AGBL3: variants seen among roughly 807,000 people sequenced by gnomAD.
AGBL3 encodes cytosolic carboxypeptidase 3.
In AGBL3, 68 loss-of-function variants were observed where a neutral mutation model predicts 94.5. That is an observed-to-expected ratio of 0.72 (90% CI 0.59 to 0.88). The LOEUF is 0.88. AGBL3 is among the 40% of genes least tolerant of loss of function. The pLI is 0.00. For missense variants in AGBL3, 934 were observed against 1,103.8 expected (o/e 0.85, Z 2.18); for synonymous variants, 354 against 370.7 (o/e 0.95, Z 0.52).
intron 15 of AGBL3, among the ~76,000 whole-genome samples, chr7:135,109,631 A>C (rs1825317909): frequency 6.6e-6 from 1 of 152,224 alleles, no homozygotes; most frequent in Non-Finnish European, 1.5e-5. Context: ...GCTCTGTCCC[A>C]GGGAAGTTTG....
At chr7:135,116,977 G>C (rs893643839) in intron 16 of AGBL3, among the ~76,000 whole-genome samples, 2 of 152,202 alleles carry the variant, frequency 1.3e-5, no homozygotes, top group Admixed American at 6.5e-5. Context: ...AAACCCAGGA[G>C]ACACCATTGT....
intron 4 of AGBL3, among the ~76,000 whole-genome samples, chr7:135,016,457 C>G (rs142004512): frequency 0.011 from 1,684 of 151,600 alleles, 100 homozygotes; most frequent in Admixed American, 0.1. Context: ...ATACAAATAA[C>G]TAGGGTAGTT....
At chr7:135,000,176 G>A (rs571101063) in intron 4 of AGBL3, among the ~76,000 whole-genome samples, 6 of 152,324 alleles carry the variant, frequency 3.9e-5, no homozygotes, top group African/African-American at 1.4e-4. Context: ...AAGGCATTGT[G>A]GGCATTTCAG....
At chr7:135,128,937 T>G in intron 16 of AGBL3, 1 of 1,562,216 alleles carries the variant, frequency 6.4e-7, no homozygotes, top group Non-Finnish European at 8.8e-7. Context: ...CAATATCTGT[T>G]TCTGTAAGAA....
intron 4 of AGBL3, among the ~76,000 whole-genome samples, chr7:134,999,625 G>A (rs1390824473): frequency 6.6e-6 from 1 of 152,122 alleles, no homozygotes; most frequent in Non-Finnish European, 1.5e-5. Context: ...ACTTTAATGT[G>A]CCCCTAAATT....
Position 134,993,475 on chromosome 7 carries a change from T to G in AGBL3, c.125-18T>G. 1 of 1,523,110 alleles carries G rather than the reference T, an allele frequency of 6.6e-7. No homozygotes were observed. 94.3% of individuals were successfully genotyped at this position (1,523,110 alleles called of 1,614,324 possible). A position where few individuals can be genotyped will look rare whatever the true frequency, so the allele number is the denominator to read the frequency against. ...TTTCTTCTTCCCACTCATGATTGTG[T>G]TTGAATCTTTTTCTCAGCTGACTCT... On this transcript the variant is annotated intron_variant, in intron 3 of 16. Coordinates refer to ENST00000436302, the MANE Select transcript of AGBL3 (RefSeq NM_178563.4).
chr7:134,990,325 T>G (rs1057000510), intron 3 of AGBL3, among the ~76,000 whole-genome samples: 1 of 152,226 alleles, frequency 6.6e-6, no homozygotes, highest in Non-Finnish European at 1.5e-5. Context: ...ATATTTGGCT[T>G]TTCTAGAATT....
At chr7:135,041,749 C>T (rs922942794) in intron 8 of AGBL3, among the ~76,000 whole-genome samples, 6 of 152,138 alleles carry the variant, frequency 3.9e-5, no homozygotes, top group African/African-American at 1.2e-4. Flanking sequence ...TCCTGCTAAG[C>T]GAATACAAAG....
intron 16 of AGBL3, among the ~76,000 whole-genome samples, chr7:135,128,161 G>A (rs1157406657): frequency 1.3e-5 from 2 of 151,720 alleles, no homozygotes; most frequent in Non-Finnish European, 2.9e-5. Context: ...GTGTGGTGGT[G>A]AGTGCCTGTA....
intron 13 of AGBL3, among the ~76,000 whole-genome samples, chr7:135,077,512 A>C (rs763519707): frequency 2.0e-5 from 3 of 152,180 alleles, no homozygotes; most frequent in Non-Finnish European, 4.4e-5. Context: ...CACAAAACAG[A>C]TAGCTCCTAA....
chr7:135,128,291 C>CAAAAAAAAAAAAAAAAAAAAAA (rs61217008), intron 16 of AGBL3, among the ~76,000 whole-genome samples: 1 of 58,070 alleles, frequency 1.7e-5, no homozygotes, highest in Non-Finnish European at 2.7e-5. Context: ...GACTCCATCT[C>CAAAAAAAAAAAAAAAAAAAAAA]AAAAAAAAAA....
chr7:135,052,311 A>T (rs540553325), intron 11 of AGBL3, among the ~76,000 whole-genome samples: 38 of 152,284 alleles, frequency 2.5e-4, no homozygotes, highest in Admixed American at 7.2e-4. Context: ...TTTTCAGTAC[A>T]TAGGGGTTTT....
At chr7:135,072,241 A>G (rs1819987657) in intron 12 of AGBL3, among the ~76,000 whole-genome samples, 1 of 152,184 alleles carries the variant, frequency 6.6e-6, no homozygotes, top group South Asian at 2.1e-4. Flanking sequence ...TTAGAATGGC[A>G]ATCATTAAAA....
chr7:134,996,499 G>C (rs1055991645), intron 4 of AGBL3, among the ~76,000 whole-genome samples: 1 of 18,270 alleles, frequency 5.5e-5, no homozygotes, highest in African/African-American at 6.0e-5. Context: ...ATTCCCCAGA[G>C]GTAAAAATAG....
chr7:135,114,552 A>G (rs1826057248), intron 15 of AGBL3, among the ~76,000 whole-genome samples: 1 of 152,092 alleles, frequency 6.6e-6, no homozygotes, highest in African/African-American at 2.4e-5. Flanking sequence ...TCCTCAAACT[A>G]GAAGCTTTGG....
intron 2 of AGBL3, chr7:134,988,199 G>T: frequency 2.6e-6 from 1 of 382,792 alleles, no homozygotes; most frequent in Non-Finnish European, 4.7e-6. Context: ...AACTATATTT[G>T]TATTTTTTTT....
In AGBL3 at chr7:134,987,775, G is replaced by A. The variant is rs1809659472; in HGVS notation, c.-59-100G>A. ...TTCTAATTAGTTTTTAGAGAAGACT[G>A]TTGTGACTGTTAAATACAATTGAAT... On this transcript the variant is annotated intron_variant, in intron 1 of 16. Transcript: ENST00000436302. The A allele has an allele frequency of 6.8e-6, 4 of 584,440 alleles. No homozygotes were observed. The East Asian group carries it at 9.7e-5, about 14-fold the overall frequency. The allele number at this position is 584,440 out of a possible 1,614,324, so 36.2% of individuals were successfully genotyped here. A position where few individuals can be genotyped will look rare whatever the true frequency, so the allele number is the denominator to read the frequency against.
chr7:135,069,194 G>A (rs1819647490), intron 12 of AGBL3, among the ~76,000 whole-genome samples: 1 of 152,188 alleles, frequency 6.6e-6, no homozygotes. Flanking sequence ...AAATATATAT[G>A]CACCCAATAC....
At chr7:135,109,416 G>C (rs953234454) in intron 15 of AGBL3, among the ~76,000 whole-genome samples, 1 of 151,838 alleles carries the variant, frequency 6.6e-6, no homozygotes, top group Admixed American at 6.6e-5. Context: ...AGTGGCTGAA[G>C]ACTCAGACTG....
Sources: gnomAD v4.1 joint callset for allele counts (sites outside exome capture counted in the v4.1 genomes callset) on GRCh38, gnomAD v4.1.1 for gene constraint, MANE v1.5 for transcripts, NCBI Gene and HGNC (gene_info 2026-07-23, HGNC 2026-07-21) for gene names.